CDH12: variants seen among roughly 807,000 people sequenced by gnomAD.
CDH12 encodes the protein cadherin-12.
In CDH12, 41 loss-of-function variants were observed where a neutral mutation model predicts 74.1. That is an observed-to-expected ratio of 0.55 (90% CI 0.43 to 0.72). The LOEUF (loss-of-function observed/expected upper bound fraction) is 0.72, where lower values mean the gene tolerates loss of function less well. Ranked by LOEUF, CDH12 falls within the 30% of genes least tolerant of loss-of-function variation. The pLI is 0.00. For missense variants in CDH12, 945 were observed against 977.2 expected (o/e 0.97, Z 0.44); for synonymous variants, 399 against 355.0 (o/e 1.12, Z -1.39).
chr5:22,445,789 C>T (rs1050887725), intron 2 of CDH12, among the ~76,000 whole-genome samples: 2 of 152,118 alleles, frequency 1.3e-5, no homozygotes, highest in Non-Finnish European at 2.9e-5. Context: ...CTTGTCCTTT[C>T]TCTAAGGTAG....
chr5:21,895,236 C>A (rs1438300577), intron 6 of CDH12, among the ~76,000 whole-genome samples: 2 of 152,146 alleles, frequency 1.3e-5, no homozygotes, highest in Non-Finnish European at 2.9e-5. Context: ...CCCCCTCACA[C>A]TCCTTCAGCT....
intron 11 of CDH12, among the ~76,000 whole-genome samples, chr5:21,766,046 A>G (rs547636319): frequency 1.3e-5 from 2 of 152,102 alleles, no homozygotes; most frequent in South Asian, 4.1e-4. Context: ...TACCTTCTCC[A>G]TTGATTGGTT....
intron 7 of CDH12, among the ~76,000 whole-genome samples, chr5:21,844,321 GT>G (rs532440250): frequency 9.2e-4 from 139 of 151,178 alleles, no homozygotes; most frequent in African/African-American, 3.3e-3. Flanking sequence ...TAAATTTGGA[GT>G]TTGGCTTAGT....
chr5:22,164,561 T>C (rs1350048001), intron 4 of CDH12, among the ~76,000 whole-genome samples: 4 of 152,094 alleles, frequency 2.6e-5, no homozygotes, highest in African/African-American at 4.8e-5. Flanking sequence ...AAGAGTGCAG[T>C]TGCAAGATTT....
chr5:22,458,262 T>C (rs1170746478), intron 2 of CDH12, among the ~76,000 whole-genome samples: 2 of 152,150 alleles, frequency 1.3e-5, no homozygotes, highest in Admixed American at 6.5e-5. Context: ...CCAATTTCTG[T>C]CTCTGTTGTC....
At chr5:22,340,670 A>G (rs1331998250) in intron 3 of CDH12, among the ~76,000 whole-genome samples, 2 of 152,192 alleles carry the variant, frequency 1.3e-5, no homozygotes, top group Admixed American at 1.3e-4. Context: ...TACCATTACA[A>G]GCTGTTTTGA....
chr5:22,147,764 T>C (rs1238493538), intron 4 of CDH12, among the ~76,000 whole-genome samples: 1 of 152,088 alleles, frequency 6.6e-6, no homozygotes, highest in Non-Finnish European at 1.5e-5. Context: ...ACTTATTCAC[T>C]ACCACAAGAA....
At chr5:22,518,013 G>A (rs1736879163) in intron 1 of CDH12, among the ~76,000 whole-genome samples, 1 of 152,248 alleles carries the variant, frequency 6.6e-6, no homozygotes, top group South Asian at 2.1e-4. Context: ...CTTCCTTACA[G>A]CAGCTTTTTA....
At chr5:21,996,996 G>A in intron 5 of CDH12, among the ~76,000 whole-genome samples, 1 of 152,002 alleles carries the variant, frequency 6.6e-6, no homozygotes, top group East Asian at 1.9e-4. Context: ...GGGATTATTT[G>A]TTTATTAATA....
intron 5 of CDH12, among the ~76,000 whole-genome samples, chr5:22,031,703 G>A (rs1391293764): frequency 2.0e-5 from 3 of 152,118 alleles, no homozygotes; most frequent in Non-Finnish European, 2.9e-5. Flanking sequence ...TCAAGAATAC[G>A]GAACCAGAGG....
intron 6 of CDH12, among the ~76,000 whole-genome samples, chr5:21,860,221 T>C (rs991379595): frequency 8.5e-5 from 13 of 152,074 alleles, no homozygotes; most frequent in African/African-American, 2.9e-4. Context: ...AATATCTTCA[T>C]TTTCTTTATC....
intron 3 of CDH12, among the ~76,000 whole-genome samples, chr5:22,219,769 C>A (rs552310439): frequency 6.6e-6 from 1 of 151,700 alleles, no homozygotes; most frequent in Admixed American, 6.6e-5. Context: ...AATCCTTGGG[C>A]TCGTTGCTTC....
chr5:21,764,919 A>G, intron 12 of CDH12, 59 bp downstream of exon 12: 1 of 1,545,750 alleles, frequency 6.5e-7, no homozygotes, highest in Non-Finnish European at 8.9e-7. Context: ...TGGACTTATA[A>G]CTTAAAACAT....
rs189544163 is a variant in CDH12 at position 22,367,502 on chromosome 5, T to C, written c.-333+37755A>G. 3.5e-4 allele frequency among the ~76,000 whole-genome samples: 54 copies of C among 152,292 alleles called. 1 individual carries two copies. Among genetic ancestry groups the C allele is most frequent in the African/African-American group, 1.3e-3 (52 of 41,574 alleles). On this transcript the variant is annotated intron_variant, in intron 3 of 14. Transcript: ENST00000382254. Reference sequence around the variant, plus strand: ...AGTTTCAGAATTGGATTTGTGTTATTTGGAATAAAATTTACCCTAAGTGCT... The same window carrying C: ...AGTTTCAGAATTGGATTTGTGTTATCTGGAATAAAATTTACCCTAAGTGCT...
At chr5:22,116,086 G>A (rs757098368) in intron 4 of CDH12, among the ~76,000 whole-genome samples, 2 of 152,114 alleles carry the variant, frequency 1.3e-5, no homozygotes, top group Non-Finnish European at 2.9e-5. Flanking sequence ...TTACTAACTA[G>A]TTAACTTTAA....
intron 2 of CDH12, among the ~76,000 whole-genome samples, chr5:22,500,480 T>C (rs1436940808): frequency 2.0e-5 from 3 of 152,176 alleles, no homozygotes; most frequent in Non-Finnish European, 4.4e-5. Flanking sequence ...ATGATAAGCA[T>C]TTCCATATAA....
intron 1 of CDH12, among the ~76,000 whole-genome samples, chr5:22,683,689 C>T (rs564199760): frequency 2.3e-4 from 35 of 152,220 alleles, no homozygotes; most frequent in African/African-American, 7.2e-4. Flanking sequence ...TCACCTTTTT[C>T]GCTAAAGAAG....
At chr5:22,693,178 A>C (rs1742173834) in intron 1 of CDH12, among the ~76,000 whole-genome samples, 2 of 152,168 alleles carry the variant, frequency 1.3e-5, no homozygotes. Flanking sequence ...CAGAATTTGC[A>C]CTACCTCTGA....
rs34486582 is a variant in CDH12 at position 22,210,833 on chromosome 5, T to TAAA, written c.-187+1662_-187+1664dup. 8.6e-4 allele frequency among the ~76,000 whole-genome samples: 124 copies of TAAA among 144,492 alleles called. 2 individuals are homozygous for TAAA. The highest frequency in any genetic ancestry group is 2.9e-3 in the African/African-American group (117 of 39,948). 94.8% of individuals were successfully genotyped at this position (144,492 alleles called of 152,430 possible). On this transcript the variant is annotated intron_variant, in intron 4 of 14. Coordinates refer to ENST00000382254, the MANE Select transcript of CDH12 (RefSeq NM_004061.5). ...GCCTCTTTCTGTTTATCAAGTTGCT[T>TAAA]AAAAAAAAAAAAATAAGAAGCCAAA...
Sources: gnomAD v4.1 joint callset for allele counts (sites outside exome capture counted in the v4.1 genomes callset) on GRCh38, gnomAD v4.1.1 for gene constraint, MANE v1.5 for transcripts, NCBI Gene and HGNC (gene_info 2026-07-23, HGNC 2026-07-21) for gene names.